FAM149A: variants seen among roughly 807,000 people sequenced by gnomAD.
The protein encoded by FAM149A is family with sequence similarity 149 member A, also known as protein FAM149A.
Under a neutral mutation model 78.2 loss-of-function variants are expected in FAM149A, and 71 were observed. That is an observed-to-expected ratio of 0.91 (90% CI 0.75 to 1.11). FAM149A has a LOEUF of 1.11. Among genes scored for constraint, FAM149A ranks in the 50% least tolerant of loss-of-function variants. The pLI is 0.00. For synonymous variants in FAM149A, 446 were observed against 410.5 expected (o/e 1.09, Z -1.04); for missense variants, 1,036 against 971.0 (o/e 1.07, Z -0.89).
intron 1 of FAM149A, among the ~76,000 whole-genome samples, chr4:186,112,947 G>A (rs921586247): frequency 1.1e-4 from 15 of 133,064 alleles, no homozygotes; most frequent in African/African-American, 4.1e-4. Flanking sequence ...TTTTTCTATT[G>A]ATTGGAATAG....
At position 186,144,917 on chromosome 4, in the gene FAM149A, G is replaced by C. The variant is rs1473801448; in HGVS notation, c.567-4256G>C. ...CGCCCGGGCCGCCTGAGCTGGGCCA[G>C]CCGCGCGGCGGGCGCGGGCGCGGGC... On this transcript the variant is annotated intron_variant, in intron 1 of 13. Coordinates refer to ENST00000389354, the MANE Select transcript of FAM149A (RefSeq NM_001367768.3). The surrounding 1 kb of genome is among the most constrained non-coding windows in gnomAD (Gnocchi z 4.2). 3 of 966,222 alleles carry C rather than the reference G, an allele frequency of 3.1e-6. No homozygotes were observed. Among genetic ancestry groups the C allele is most frequent in the African/African-American group, 1.8e-5 (1 of 54,472 alleles). 59.9% of individuals were successfully genotyped at this position (966,222 alleles called of 1,614,324 possible).
intron 1 of FAM149A, chr4:186,116,388 C>G (rs1202168704): frequency 1.2e-6 from 1 of 811,318 alleles, no homozygotes; most frequent in Non-Finnish European, 1.5e-6. Context: ...TAGACCGGAG[C>G]TGTTCCTATT....
rs1428146186 is a variant in FAM149A, at chr4:186,157,644, T to C, written c.1500T>C (p.Asp500=). 3.7e-6 allele frequency: 6 copies of C among 1,614,146 alleles called. No homozygotes were observed. Among genetic ancestry groups the C allele is most frequent in the Admixed American group, 1.7e-5 (1 of 60,032 alleles). ...TCCTCGTTCCACACGCTCACGCCGA[T>C]GGAGCCAGTGGCCCCCCGTCCGGAC... is the stretch of plus-strand genomic sequence containing the variant. The change falls in exon 8 of 14, where the codon GAT becomes GAC. Residue 500 remains aspartate, a synonymous_variant. Transcript: ENST00000389354.
intron 1 of FAM149A, chr4:186,107,428 T>G (rs1043571815): frequency 6.6e-6 from 1 of 152,212 alleles, no homozygotes; most frequent in Non-Finnish European, 1.5e-5. Flanking sequence ...TAAATTATTA[T>G]TACTTTTTGA....
chr4:186,165,599 C>G, intron 11 of FAM149A, 135 bp downstream of exon 11: 2 of 823,600 alleles, frequency 2.4e-6, no homozygotes, highest in Non-Finnish European at 3.7e-6. Flanking sequence ...CCTTCATAAT[C>G]TGTTTCCAGA....
chr4:186,112,282 T>G (rs959824266), intron 1 of FAM149A, among the ~76,000 whole-genome samples: 5 of 150,264 alleles, frequency 3.3e-5, no homozygotes, highest in African/African-American at 1.2e-4. Flanking sequence ...CTTATCAGCT[T>G]AAGGAGATTT....
At chr4:186,123,418 T>C (rs1314413211) in intron 1 of FAM149A, 2 of 957,994 alleles carry the variant, frequency 2.1e-6, no homozygotes, top group Non-Finnish European at 2.5e-6. Flanking sequence ...GGGCCTTTTG[T>C]TCCTGTATGT....
At chr4:186,130,446 C>T (rs1449792813) in intron 1 of FAM149A, among the ~76,000 whole-genome samples, 1 of 151,540 alleles carries the variant, frequency 6.6e-6, no homozygotes, top group Non-Finnish European at 1.5e-5. Flanking sequence ...ATGATCTCAG[C>T]TCACTGCAGC....
At chr4:186,136,713 T>C (rs1676516416) in intron 1 of FAM149A, among the ~76,000 whole-genome samples, 1 of 152,334 alleles carries the variant, frequency 6.6e-6, no homozygotes, top group South Asian at 2.1e-4. Context: ...ATCTGTGCCA[T>C]GTATAGGAGC....
chr4:186,144,877 C>G lies in FAM149A; in HGVS notation c.567-4296C>G. 9.3e-6 allele frequency: 9 copies of G among 972,742 alleles called. No individual in the cohort carries two copies. Among genetic ancestry groups the G allele is most frequent in the Non-Finnish European group, 1.1e-5 (9 of 826,454 alleles). 60.3% of individuals were successfully genotyped at this position (972,742 alleles called of 1,614,324 possible). A position where few individuals can be genotyped will look rare whatever the true frequency, so the allele number is the denominator to read the frequency against. ...GGAGAGGGAAGGGGCGTGCGAGCCC[C>G]GCGGACCCCGGGCGCGCCCGGGCCG... is the stretch of plus-strand genomic sequence containing the variant. On this transcript the variant is annotated intron_variant, in intron 1 of 13. Coordinates refer to ENST00000389354, the MANE Select transcript of FAM149A (RefSeq NM_001367768.3). This position sits in a 1 kb window ranked among gnomAD's most constrained non-coding sequence, Gnocchi z 4.2.
intron 1 of FAM149A, among the ~76,000 whole-genome samples, chr4:186,131,340 T>TC (rs975456407): frequency 9.1e-5 from 9 of 98,838 alleles, no homozygotes; most frequent in African/African-American, 4.0e-4. Context: ...AGAGCAAGAC[T>TC]CCAACTCAAA....
At chr4:186,168,777 G>T (rs1267522874) in intron 13 of FAM149A, among the ~76,000 whole-genome samples, 1 of 152,194 alleles carries the variant, frequency 6.6e-6, no homozygotes, top group Admixed American at 6.5e-5. Flanking sequence ...CCAAAGGCTG[G>T]GATTCAAACA....
At chr4:186,110,964 C>T (rs369687464) in intron 1 of FAM149A, among the ~76,000 whole-genome samples, 78 of 129,616 alleles carry the variant, frequency 6.0e-4, no homozygotes, top group African/African-American at 2.0e-3. Context: ...CCTGAGGAAT[C>T]GCCACACTGA....
At chr4:186,160,964 G>A in intron 8 of FAM149A, 5 of 775,620 alleles carry the variant, frequency 6.4e-6, no homozygotes, top group Non-Finnish European at 7.8e-6. Context: ...GAAGCTGTGA[G>A]AATTAAAGGA....
intron 1 of FAM149A, among the ~76,000 whole-genome samples, chr4:186,143,704 A>G (rs1177474574): frequency 6.6e-6 from 1 of 151,504 alleles, no homozygotes; most frequent in Admixed American, 6.6e-5. Context: ...TAATTTTTGT[A>G]TTTTTAGTAG....
chr4:186,161,970 A>G (rs772786209), intron 8 of FAM149A, among the ~76,000 whole-genome samples: 146 of 152,364 alleles, frequency 9.6e-4, no homozygotes, highest in Admixed American at 8.5e-4. Context: ...TTACACAGGT[A>G]TACATGTGCC....
At chr4:186,132,838 T>G (rs1015345867) in intron 1 of FAM149A, 39 of 296,896 alleles carry the variant, frequency 1.3e-4, no homozygotes, top group Non-Finnish European at 1.9e-4. Context: ...ACTTTCAGCT[T>G]AAGTGTTTCC....
In FAM149A at chr4:186,164,169, T is replaced by A. The variant is rs982636400; in HGVS notation, c.1889+536T>A. 3.3e-5 allele frequency among the ~76,000 whole-genome samples: 5 copies of A among 152,232 alleles called. No homozygotes were observed. Among genetic ancestry groups the A allele is most frequent in the African/African-American group, 9.6e-5 (4 of 41,464 alleles). ...TACCAGTATCGGCCAATACTTACAT[T>A]GATAATAATAGCTAATGTTTATTGA... On this transcript the variant is annotated intron_variant, in intron 10 of 13. Coordinates refer to ENST00000389354, the MANE Select transcript of FAM149A (RefSeq NM_001367768.3). This position sits in a 1 kb window ranked among gnomAD's most constrained non-coding sequence, Gnocchi z 4.0.
intron 1 of FAM149A, chr4:186,109,086 AT>A (rs1460388121): frequency 7.9e-6 from 4 of 503,300 alleles, no homozygotes; most frequent in Non-Finnish European, 1.0e-5. Context: ...TGACCTTGTA[AT>A]TTGCCCGCCT....
Sources: allele counts gnomAD v4.1 joint callset (sites outside exome capture counted in the v4.1 genomes callset), GRCh38; gene constraint gnomAD v4.1.1; non-coding constraint Gnocchi (gnomAD v3.1); transcripts MANE v1.5; gene names NCBI Gene and HGNC (gene_info 2026-07-23, HGNC 2026-07-21).